PCDHGA6: variants seen among roughly 807,000 people sequenced by gnomAD.
PCDHGA6 encodes the protein protocadherin gamma subfamily A, 6.
PCDHGA6 carries 41 observed loss-of-function variants against 60.6 expected under a neutral mutation model. The ratio of observed to expected loss-of-function variants is 0.68; its 90% CI spans 0.53 to 0.88. The LOEUF (loss-of-function observed/expected upper bound fraction) is 0.88, where lower values mean the gene tolerates loss of function less well. Ranked by LOEUF, PCDHGA6 falls within the 40% of genes least tolerant of loss-of-function variation. The pLI, the probability that PCDHGA6 is intolerant of heterozygous loss-of-function variation, is 0.00. For synonymous variants in PCDHGA6, 594 were observed against 524.4 expected, an observed-to-expected ratio of 1.13 and a Z score of -1.81; for missense variants, 1,312 against 1,203.0, an observed-to-expected ratio of 1.09 and a Z score of -1.34.
chr5:141,490,229 T>C lies in PCDHGA6; in HGVS notation c.2425-4578T>C. The C allele has an allele frequency of 6.2e-7, 1 of 1,614,198 alleles. No individual in the cohort carries two copies. Among genetic ancestry groups the C allele is most frequent in the Non-Finnish European group, 8.5e-7 (1 of 1,180,034 alleles). On this transcript the variant is annotated intron_variant, in intron 1 of 3. Coordinates refer to ENST00000517434, the MANE Select transcript of PCDHGA6 (RefSeq NM_018919.3). The surrounding 1 kb of genome is among the most constrained non-coding windows in gnomAD (Gnocchi z 5.4). ...GCCCGTGACCAGGGACAGCCTGCCA[T>C]GGAGGGCCACTGTGTGATTCAAGTG... is the stretch of plus-strand genomic sequence containing the variant.
chr5:141,432,997 G>A lies in PCDHGA6; in HGVS notation c.2424+56490G>A, dbSNP rs778828769. ...CGCACTTTGTGGGCGTGGACGGGGT[G>A]CAGGCTTTCCTGCAGACCTATTCCC... is the stretch of plus-strand genomic sequence containing the variant. On this transcript the variant is annotated intron_variant, in intron 1 of 3. Coordinates refer to ENST00000517434, the MANE Select transcript of PCDHGA6 (RefSeq NM_018919.3). This position sits in a 1 kb window ranked among gnomAD's most constrained non-coding sequence, Gnocchi z 6.0. 5 of 1,614,082 alleles carry A rather than the reference G, an allele frequency of 3.1e-6. No homozygotes were observed. In the Admixed American group the frequency reaches 8.3e-5, roughly 27 times the overall value.
rs770619389 is a variant in PCDHGA6 at position 141,490,764 on chromosome 5, T to C, written c.2425-4043T>C. On this transcript the variant is annotated intron_variant, in intron 1 of 3. Coordinates refer to ENST00000517434, the MANE Select transcript of PCDHGA6 (RefSeq NM_018919.3). The surrounding 1 kb of genome is among the most constrained non-coding windows in gnomAD (Gnocchi z 5.4). ...GAGCCCCAGCCTCCTCCTTTGTGTA[T>C]GTCAACCCAGAGGATGGACGGATCT... is the stretch of plus-strand genomic sequence containing the variant. 22 of 1,613,970 alleles carry C rather than the reference T, an allele frequency of 1.4e-5. No individual in the cohort carries two copies. Among genetic ancestry groups the C allele is most frequent in the Non-Finnish European group, 1.6e-5 (19 of 1,179,928 alleles).
intron 2 of PCDHGA6, among the ~76,000 whole-genome samples, chr5:141,502,431 G>A (rs998074347): frequency 1.3e-5 from 2 of 151,948 alleles, no homozygotes; most frequent in African/African-American, 4.8e-5. Context: ...TTCTCTGATG[G>A]TTAGATTCAG....
chr5:141,390,587 A>T (rs1043489470), intron 1 of PCDHGA6: 1 of 340,604 alleles, frequency 2.9e-6, no homozygotes, highest in Non-Finnish European at 5.3e-6. Flanking sequence ...AAAGTGAATG[A>T]GATTTTTCCT....
chr5:141,399,314 A>C (rs1309292354), intron 1 of PCDHGA6: 9 of 1,613,988 alleles, frequency 5.6e-6, no homozygotes, highest in Non-Finnish European at 1.7e-6. Context: ...TCATCCAAAA[A>C]TTCGTATAAG....
At chr5:141,399,936 C>T (rs1370105984) in intron 1 of PCDHGA6, 2 of 1,612,268 alleles carry the variant, frequency 1.2e-6, no homozygotes, top group Non-Finnish European at 8.5e-7. Flanking sequence ...TGTCCTACCA[C>T]GTGCTGCAGG....
In PCDHGA6 at chr5:141,477,718, A is replaced by G; in HGVS notation, c.2425-17089A>G. 6.2e-7 allele frequency: 1 copy of G among 1,613,928 alleles called. No homozygotes were observed. The highest frequency in any genetic ancestry group is 8.5e-7 in the Non-Finnish European group (1 of 1,180,034). On this transcript the variant is annotated intron_variant, in intron 1 of 3. Coordinates refer to ENST00000517434, the MANE Select transcript of PCDHGA6 (RefSeq NM_018919.3). The surrounding 1 kb of genome is among the most constrained non-coding windows in gnomAD (Gnocchi z 4.9). ...ACTATGAGGATCGGCGGGAATTTGA[A>G]TTAACAGCTCATATCAGCGATGGGG...
At chr5:141,413,115 A>C in intron 1 of PCDHGA6, 1 of 1,507,478 alleles carries the variant, frequency 6.6e-7, no homozygotes, top group Non-Finnish European at 8.9e-7. Context: ...AGACAAAGGA[A>C]CCGGTTGAAA....
chr5:141,505,507 A>G, intron 3 of PCDHGA6, 26 bp downstream of exon 3: 1 of 1,614,004 alleles, frequency 6.2e-7, no homozygotes, highest in South Asian at 1.1e-5. Flanking sequence ...GTGTGTATGG[A>G]AGAGTGGGAG....
intron 1 of PCDHGA6, among the ~76,000 whole-genome samples, chr5:141,448,768 G>A (rs544426582): frequency 1.3e-5 from 2 of 151,632 alleles, no homozygotes; most frequent in Non-Finnish European, 2.9e-5. Flanking sequence ...GTGAAACCCC[G>A]TCTGTACTAA....
intron 1 of PCDHGA6, chr5:141,389,025 A>C: frequency 6.2e-7 from 1 of 1,613,992 alleles, no homozygotes; most frequent in Non-Finnish European, 8.5e-7. Flanking sequence ...TGGAGAAGTG[A>C]CTTGTAAATT....
In PCDHGA6 at chr5:141,432,272, G is replaced by A. The variant is rs772255343; in HGVS notation, c.2424+55765G>A. On this transcript the variant is annotated intron_variant, in intron 1 of 3. Transcript: ENST00000517434. The surrounding 1 kb of genome is among the most constrained non-coding windows in gnomAD (Gnocchi z 6.0). ...CCAAGGGGCAAGCCTATCGTCCTAC[G>A]TGTCCATCAACTCCGACACTGGGGT... 1 of 1,614,210 alleles carries A rather than the reference G, an allele frequency of 6.2e-7. No individual in the cohort carries two copies. Among genetic ancestry groups the A allele is most frequent in the South Asian group, 1.1e-5 (1 of 91,086 alleles).
At chr5:141,385,224 T>G (rs751833387) in intron 1 of PCDHGA6, 2 of 1,614,206 alleles carry the variant, frequency 1.2e-6, no homozygotes, top group Non-Finnish European at 1.7e-6. Flanking sequence ...AGCCCAACTA[T>G]GTAGACATGC....
At chr5:141,418,895 GAA>G (rs746676640) in intron 1 of PCDHGA6, 1 of 1,613,998 alleles carries the variant, frequency 6.2e-7, no homozygotes, top group Admixed American at 1.7e-5. Flanking sequence ...CAACAGCCCA[GAA>G]ATAATCATCA....
chr5:141,473,892 G>C (rs1247711441), intron 1 of PCDHGA6, among the ~76,000 whole-genome samples: 1 of 152,138 alleles, frequency 6.6e-6, no homozygotes, highest in African/African-American at 2.4e-5. Context: ...GGGTTCTGTT[G>C]GTTCATGAAG....
chr5:141,399,691 C>T (rs2093867392), intron 1 of PCDHGA6: 1 of 1,613,362 alleles, frequency 6.2e-7, no homozygotes, highest in Admixed American at 1.7e-5. Flanking sequence ...CGAGCAGCTG[C>T]GCACCTTCGA....
intron 1 of PCDHGA6, 170 bp downstream of exon 1, chr5:141,376,677 T>TTTG: frequency 3.8e-5 from 4 of 105,314 alleles, no homozygotes; most frequent in Non-Finnish European, 3.0e-5. Context: ...GAGGGTATCG[T>TTTG]TTTTTTTTTT....
At chr5:141,402,882 G>A in intron 1 of PCDHGA6, 1 of 1,479,680 alleles carries the variant, frequency 6.8e-7, no homozygotes, top group South Asian at 1.4e-5. Context: ...TACTTTGCAG[G>A]GTGGAAGAAA....
chr5:141,497,412 A>G (rs963440048), intron 2 of PCDHGA6, among the ~76,000 whole-genome samples: 13 of 151,982 alleles, frequency 8.6e-5, no homozygotes, highest in African/African-American at 3.1e-4. Flanking sequence ...CTCCCATTCC[A>G]TCAAATGAGA....
Sources: gnomAD v4.1 joint callset for allele counts (sites outside exome capture counted in the v4.1 genomes callset) on GRCh38, gnomAD v4.1.1 for gene constraint, Gnocchi (gnomAD v3.1) non-coding constraint, MANE v1.5 for transcripts, NCBI Gene and HGNC (gene_info 2026-07-23, HGNC 2026-07-21) for gene names.